Variants in ZNF518A observed in about 807,000 individuals in gnomAD.
The protein encoded by ZNF518A is zinc finger protein 518.
A neutral mutation model predicts 102.7 loss-of-function variants in ZNF518A; 47 were observed. That is an observed-to-expected ratio of 0.46 (90% CI 0.36 to 0.58). The LOEUF is 0.58. ZNF518A is among the 20% of genes least tolerant of loss of function. The pLI, the probability that ZNF518A is intolerant of heterozygous loss-of-function variation, is 0.00. For missense variants in ZNF518A, 1,793 were observed against 1,699.8 expected (o/e 1.05, Z -0.96); for synonymous variants, 652 against 594.6 (o/e 1.10, Z -1.40).
At chr10:96,140,909 A>G (rs2081890729) in intron 3 of ZNF518A, among the ~76,000 whole-genome samples, 1 of 152,156 alleles carries the variant, frequency 6.6e-6, no homozygotes, top group Admixed American at 6.5e-5. Context: ...CCATTGCAGC[A>G]CTTCAGCCTG....
At chr10:96,196,016 G>A (rs182909833) in intron 1 of ZNF518A, among the ~76,000 whole-genome samples, 1 of 152,322 alleles carries the variant, frequency 6.6e-6, no homozygotes, top group East Asian at 1.9e-4. Context: ...ATGTAGTGGG[G>A]AAGACAGACA....
chr10:96,158,237 T>C lies in ZNF518A; in HGVS notation c.1915T>C (p.Phe639Leu). The change falls in exon 6 of 6, where the codon TTT becomes CTT. Residue 639 changes from phenylalanine (F) to leucine (L), a missense_variant. Around this residue, in one of 3 missense-constraint regions of ZNF518A, gnomAD observed 1,741 missense variants for 1,622.6 expected, o/e 1.07. Coordinates refer to ENST00000316045, the MANE Select transcript of ZNF518A (RefSeq NM_001330736.2). ...ATCCTCCAACCAAGGATCATTACCT[T>C]TTCATAATTACTCAAAAGTGAATAA... ...VESSNQGSLP[F>L]HNYSKVNNSN... The C allele has an allele frequency of 6.2e-7, 1 of 1,613,702 alleles. No homozygotes were observed. Among genetic ancestry groups the C allele is most frequent in the Non-Finnish European group, 8.5e-7 (1 of 1,179,736 alleles).
intron 1 of ZNF518A, among the ~76,000 whole-genome samples, chr10:96,197,734 C>T (rs1210961478): frequency 6.6e-6 from 1 of 151,924 alleles, no homozygotes; most frequent in East Asian, 1.9e-4. Context: ...TGAAAATTCT[C>T]TCCTCAAAGA....
At chr10:96,185,485 G>A (rs1299017178) in intron 1 of ZNF518A, among the ~76,000 whole-genome samples, 3 of 152,174 alleles carry the variant, frequency 2.0e-5, no homozygotes, top group Non-Finnish European at 2.9e-5. Context: ...CCTACAGATG[G>A]GGTTTTGGTG....
chr10:96,171,023 TAA>T (rs782009842), intron 1 of ZNF518A, among the ~76,000 whole-genome samples: 3 of 137,194 alleles, frequency 2.2e-5, no homozygotes, highest in Admixed American at 7.3e-5. Flanking sequence ...GAGATACCAC[TAA>T]AAAAAAAAAA....
In ZNF518A at chr10:96,156,332, G is replaced by T; in HGVS notation, c.10G>T (p.Glu4Ter). Reference sequence around the variant, plus strand: ...CTTTTTTGGTTAAATCATGCCATCTGAACAGAAACAGTTATTTTGTGATGA... The same window carrying T: ...CTTTTTTGGTTAAATCATGCCATCTTAACAGAAACAGTTATTTTGTGATGA... MPS[E>*]QKQLFCDEKQ... The change falls in exon 6 of 6, where the codon GAA (glutamate) becomes TAA (stop). Residue 4 changes from glutamate to a stop codon, truncating the protein, a stop_gained. Transcript: ENST00000316045. LOFTEE classifies it high-confidence loss of function. 2 of 1,573,338 alleles carry T rather than the reference G, an allele frequency of 1.3e-6. No homozygotes were observed. The highest frequency in any genetic ancestry group is 2.4e-5 in the South Asian group (2 of 83,120).
chr10:96,154,791 G>A lies in ZNF518A; in HGVS notation c.-301-535G>A, dbSNP rs189592059. On this transcript the variant is annotated intron_variant, in intron 3 of 5. Coordinates refer to ENST00000316045, the MANE Select transcript of ZNF518A (RefSeq NM_001330736.2). ...GTTTTATGACAAACATCCCATTCTG[G>A]ATTCACATTTTACTGTATTAGTCAT... Among the ~76,000 whole-genome samples, 3 of 152,056 alleles carry A rather than the reference G, an allele frequency of 2.0e-5. No individual in the cohort carries two copies. In the East Asian group the frequency reaches 5.8e-4, roughly 29 times the overall value.
chr10:96,201,738 GCATTCATT>G (rs59428057), intron 1 of ZNF518A, among the ~76,000 whole-genome samples: 17 of 138,706 alleles, frequency 1.2e-4, no homozygotes, highest in Admixed American at 2.8e-4. Context: ...AGACTTATCT[GCATTCATT>G]CATTCATTCA....
chr10:96,165,192 T>G (rs991115376), downstream of ZNF518A, among the ~76,000 whole-genome samples: 2 of 152,184 alleles, frequency 1.3e-5, no homozygotes, highest in Admixed American at 6.5e-5. Flanking sequence ...GGCACAGTCT[T>G]GGCTCACTGC....
At chr10:96,140,321 A>T (rs1292447135) in intron 3 of ZNF518A, among the ~76,000 whole-genome samples, 3 of 152,150 alleles carry the variant, frequency 2.0e-5, no homozygotes, top group African/African-American at 7.2e-5. Context: ...GTAACTTCTA[A>T]TCATGGAGGC....
At chr10:96,144,591 A>G (rs1254109292) in intron 3 of ZNF518A, among the ~76,000 whole-genome samples, 2 of 152,210 alleles carry the variant, frequency 1.3e-5, no homozygotes, top group East Asian at 1.9e-4. Flanking sequence ...CCCAGAAATC[A>G]TAGAAGAACT....
At chr10:96,174,790 A>G (rs1389653133) in intron 1 of ZNF518A, among the ~76,000 whole-genome samples, 1 of 151,318 alleles carries the variant, frequency 6.6e-6, no homozygotes, top group African/African-American at 2.4e-5. Flanking sequence ...CTTACAAAAC[A>G]TGGAATAGGT....
intron 3 of ZNF518A, among the ~76,000 whole-genome samples, chr10:96,143,254 T>G (rs1328033125): frequency 2.6e-5 from 4 of 152,206 alleles, no homozygotes; most frequent in African/African-American, 9.6e-5. Flanking sequence ...TTCTAATATT[T>G]CTAATGTACT....
In ZNF518A at chr10:96,160,824, A is replaced by C; in HGVS notation, c.*50A>C. 6.8e-7 allele frequency: 1 copy of C among 1,461,126 alleles called. No individual in the cohort carries two copies. The highest frequency in any genetic ancestry group is 9.0e-7 in the Non-Finnish European group (1 of 1,107,360). 90.5% of individuals were successfully genotyped at this position (1,461,126 alleles called of 1,614,324 possible). A position where few individuals can be genotyped will look rare whatever the true frequency, so the allele number is the denominator to read the frequency against. On this transcript the variant is annotated 3_prime_UTR_variant, in exon 6 of 6. Coordinates refer to ENST00000316045, the MANE Select transcript of ZNF518A (RefSeq NM_001330736.2). ...AAAAGTAAAATTACCTTAGAAGAAA[A>C]CAACGGGTTCAGTTACCATAATGCA...
chr10:96,204,301 A>C (rs1213829748), downstream of ZNF518A: 1 of 706,386 alleles, frequency 1.4e-6, no homozygotes, highest in African/African-American at 1.8e-5. Context: ...AATCTTGACT[A>C]AAGTATTGTA....
intron 1 of ZNF518A, among the ~76,000 whole-genome samples, chr10:96,181,736 T>C (rs2083241478): frequency 1.3e-5 from 2 of 152,248 alleles, no homozygotes; most frequent in Admixed American, 1.3e-4. Flanking sequence ...TTTTGGTTAC[T>C]GTAGCCTTGT....
chr10:96,200,197 C>T lies in ZNF518A; in HGVS notation n.36-3377C>T, dbSNP rs2083593475. On this transcript the variant is annotated intron_variant and non_coding_transcript_variant, in intron 1 of 2. Transcript: ENST00000442635. The surrounding 1 kb of genome is among the most constrained non-coding windows in gnomAD (Gnocchi z 4.3). ...GGCACTGGTCAGCATGGGATGGTCC[C>T]TACTTAACTCTAATTTCTGTGTACT... is the stretch of plus-strand genomic sequence containing the variant. 6.4e-7 allele frequency: 1 copy of T among 1,552,298 alleles called. No homozygotes were observed. Among genetic ancestry groups the T allele is most frequent in the Non-Finnish European group, 8.9e-7 (1 of 1,124,824 alleles).
At chr10:96,180,878 A>T (rs2083236199) in intron 1 of ZNF518A, among the ~76,000 whole-genome samples, 1 of 152,278 alleles carries the variant, frequency 6.6e-6, no homozygotes, top group South Asian at 2.1e-4. Context: ...GATGGCTGGG[A>T]CAAATGGTAT....
downstream of ZNF518A, among the ~76,000 whole-genome samples, chr10:96,166,934 T>C (rs10786266): frequency 0.85 from 128,879 of 152,126 alleles, 55,467 homozygotes; most frequent in Non-Finnish European, 0.93. Context: ...TGTAAACTCC[T>C]TAAGTAGTGA....
Sources: gnomAD v4.1 joint callset for allele counts (sites outside exome capture counted in the v4.1 genomes callset) on GRCh38, gnomAD v4.1.1 for gene constraint, gnomAD v4.1.1 regional missense constraint, Gnocchi (gnomAD v3.1) non-coding constraint, MANE v1.5 for transcripts, NCBI Gene and HGNC (gene_info 2026-07-23, HGNC 2026-07-21) for gene names.